Variants in ESRRG observed in about 807,000 individuals in gnomAD.
ESRRG encodes estrogen-related receptor gamma.
Under a neutral mutation model 44.0 loss-of-function variants are expected in ESRRG, and 13 were observed. That is an observed-to-expected ratio of 0.30 (90% CI 0.19 to 0.47). ESRRG has a LOEUF of 0.47. Among genes scored for constraint, ESRRG ranks in the 20% least tolerant of loss-of-function variants. ESRRG has a pLI of 1.00. For missense variants in ESRRG, 395 were observed against 580.6 expected (o/e 0.68, Z 3.29); for synonymous variants, 215 against 214.6 (o/e 1.00, Z -0.02).
chr1:217,136,451 G>T (rs2093051228), intron 1 of ESRRG, among the ~76,000 whole-genome samples: 1 of 152,160 alleles, frequency 6.6e-6, no homozygotes, highest in South Asian at 2.1e-4. Context: ...GAGGGCAAAC[G>T]CGGGCACCCG....
chr1:217,045,874 C>CA (rs989548266), intron 1 of ESRRG, among the ~76,000 whole-genome samples: 3 of 151,872 alleles, frequency 2.0e-5, no homozygotes, highest in East Asian at 3.9e-4. Context: ...GTAATTTTCA[C>CA]AAAAAAATCT....
intron 2 of ESRRG, among the ~76,000 whole-genome samples, chr1:216,729,388 A>G (rs1207730711): frequency 6.6e-6 from 1 of 152,222 alleles, no homozygotes; most frequent in Non-Finnish European, 1.5e-5. Flanking sequence ...ATCTTTAAAA[A>G]TTATTTTACA....
intron 5 of ESRRG, among the ~76,000 whole-genome samples, chr1:216,528,742 G>C (rs1454195919): frequency 1.3e-5 from 2 of 152,052 alleles, no homozygotes; most frequent in Non-Finnish European, 2.9e-5. Flanking sequence ...AGAAGATTGA[G>C]AAATCCTGGC....
intron 2 of ESRRG, among the ~76,000 whole-genome samples, chr1:216,764,480 G>C (rs2092968802): frequency 6.6e-6 from 1 of 152,020 alleles, no homozygotes; most frequent in East Asian, 2.0e-4. Flanking sequence ...TGTTGGCCAG[G>C]CTGGTCTCAA....
intron 2 of ESRRG, among the ~76,000 whole-genome samples, chr1:216,743,181 T>C (rs2090969565): frequency 6.6e-6 from 1 of 152,240 alleles, no homozygotes; most frequent in South Asian, 2.1e-4. Context: ...TCTAAGACAA[T>C]ATGACTTTTC....
chr1:216,773,187 A>G (rs1282255131), intron 2 of ESRRG, among the ~76,000 whole-genome samples: 1 of 152,138 alleles, frequency 6.6e-6, no homozygotes, highest in Admixed American at 6.6e-5. Flanking sequence ...TGTAATATTC[A>G]TAGTGAAAGA....
At chr1:216,707,362 T>G in intron 1 of ESRRG, 1 of 1,535,880 alleles carries the variant, frequency 6.5e-7, no homozygotes, top group Non-Finnish European at 8.7e-7. Flanking sequence ...GGCCCACCTT[T>G]TAGCTGAAGG....
chr1:216,856,212 T>C (rs1422100344), intron 2 of ESRRG, among the ~76,000 whole-genome samples: 1 of 151,854 alleles, frequency 6.6e-6, no homozygotes, highest in Admixed American at 6.6e-5. Context: ...TGATACACAG[T>C]GTGTTCAATA....
intron 1 of ESRRG, among the ~76,000 whole-genome samples, chr1:217,001,733 G>A (rs1579311856): frequency 6.6e-6 from 1 of 152,142 alleles, no homozygotes; most frequent in African/African-American, 2.4e-5. Context: ...AGGTCAGGGA[G>A]GAGGTAGGGG....
intron 2 of ESRRG, among the ~76,000 whole-genome samples, chr1:216,794,414 T>C (rs1242087453): frequency 6.6e-6 from 1 of 152,190 alleles, no homozygotes; most frequent in Non-Finnish European, 1.5e-5. Context: ...AGGAGTTAGT[T>C]CTGATAGATA....
chr1:216,936,747 G>A (rs185399619), intron 2 of ESRRG: 2 of 151,744 alleles, frequency 1.3e-5, no homozygotes, highest in Non-Finnish European at 2.9e-5. Context: ...AACAGCAAGA[G>A]ACAGCTAATG....
intron 1 of ESRRG, among the ~76,000 whole-genome samples, chr1:217,060,006 C>T (rs1265830019): frequency 1.3e-5 from 2 of 151,820 alleles, no homozygotes; most frequent in East Asian, 3.9e-4. Context: ...ATCATGATTA[C>T]TTATGAAGAA....
At chr1:217,089,761 C>G (rs1010294033), upstream of ESRRG, 1 of 152,050 alleles carries the variant, frequency 6.6e-6, no homozygotes, top group African/African-American at 2.4e-5. Context: ...ACCCGGGGTC[C>G]GCGTCCCGAG....
chr1:216,521,579 G>A (rs187202578), intron 5 of ESRRG, among the ~76,000 whole-genome samples: 6 of 152,244 alleles, frequency 3.9e-5, no homozygotes, highest in Admixed American at 2.6e-4. Context: ...TGGACAGAGC[G>A]TGTAGCCCGC....
At chr1:216,819,988 G>A (rs1235472852) in intron 2 of ESRRG, among the ~76,000 whole-genome samples, 1 of 152,170 alleles carries the variant, frequency 6.6e-6, no homozygotes, top group Non-Finnish European at 1.5e-5. Flanking sequence ...CTTCAAAGGG[G>A]CATATGGCAG....
chr1:216,654,626 T>C (rs79397557), intron 2 of ESRRG, among the ~76,000 whole-genome samples: 1 of 137,332 alleles, frequency 7.3e-6, no homozygotes, highest in Non-Finnish European at 1.7e-5. Flanking sequence ...CGAAACTCTG[T>C]TTCAAAAAAA....
At chr1:217,119,451 C>G (rs371741065) in intron 1 of ESRRG, among the ~76,000 whole-genome samples, 1 of 152,126 alleles carries the variant, frequency 6.6e-6, no homozygotes, top group Non-Finnish European at 1.5e-5. Context: ...CTACATCTGC[C>G]CTAACGACTG....
chr1:217,057,089 G>A (rs755409936), intron 1 of ESRRG, among the ~76,000 whole-genome samples: 7 of 152,194 alleles, frequency 4.6e-5, no homozygotes, highest in South Asian at 2.1e-4. Flanking sequence ...CCCTTCCAGC[G>A]TAAGCCCCCA....
At chr1:216,591,309 C>T (rs1004372716) in intron 3 of ESRRG, among the ~76,000 whole-genome samples, 3 of 152,194 alleles carry the variant, frequency 2.0e-5, no homozygotes, top group Non-Finnish European at 4.4e-5. Flanking sequence ...CGAAGAGCTT[C>T]TAGGCTGGTG....
Sources: allele counts gnomAD v4.1 joint callset (sites outside exome capture counted in the v4.1 genomes callset), GRCh38; gene constraint gnomAD v4.1.1; transcripts MANE v1.5; gene names NCBI Gene and HGNC (gene_info 2026-07-23, HGNC 2026-07-21).